Variants in ZNF175 observed in about 807,000 individuals in gnomAD.
ZNF175 encodes the protein zinc finger protein OTK18.
In ZNF175, 8 loss-of-function variants were observed where a neutral mutation model predicts 14.0. The observed-to-expected ratio is 0.57, with a 90% CI of 0.34 to 1.03. The LOEUF is 1.03. Ranked by LOEUF, ZNF175 falls within the 50% of genes least tolerant of loss-of-function variation. ZNF175 has a pLI of 0.03. For synonymous variants in ZNF175, 255 were observed against 296.8 expected, an observed-to-expected ratio of 0.86 and a Z score of 1.45; for missense variants, 764 against 849.5, an observed-to-expected ratio of 0.90 and a Z score of 1.25.
At position 51,591,055 on chromosome 19, in the gene ZNF175, C is replaced by T. The variant is rs1449065553; in HGVS notation, c.*2588C>T. ...CTCATCTCCAGCCACATGTTCACTC[C>T]TCACGTGGGCCTCCCTAACTGTCCC... On this transcript the variant is annotated 3_prime_UTR_variant, in exon 5 of 5. Coordinates refer to ENST00000262259, the MANE Select transcript of ZNF175 (RefSeq NM_007147.4). The T allele has an allele frequency of 6.6e-6, 1 of 152,654 alleles. No homozygotes were observed. 9.5% of individuals were successfully genotyped at this position (152,654 alleles called of 1,614,324 possible).
At position 51,589,786 on chromosome 19, in the gene ZNF175, G is replaced by A. The variant is rs1372370762; in HGVS notation, c.*1319G>A. The A allele has an allele frequency of 1.8e-6, 1 of 565,100 alleles. No individual in the cohort carries two copies. The highest frequency in any genetic ancestry group is 1.9e-5 in the African/African-American group (1 of 53,544). The allele number at this position is 565,100 out of a possible 1,614,324, so 35.0% of individuals were successfully genotyped here. On this transcript the variant is annotated 3_prime_UTR_variant, in exon 5 of 5. Transcript: ENST00000262259. ...TGTGCTGCACTGGCAGAATTGAGTA[G>A]TTTTGGCGGAGATCAAATAGCCCCC...
rs773221651 is a variant in ZNF175, at chr19:51,587,893, A to G, written c.1562A>G (p.His521Arg). ...TFTQKSHLNI[H>R]QKIHTGERHH... is the part of the protein sequence containing the mutation. ...ACCCAAAAGTCACACCTGAATATAC[A>G]CCAGAAAATTCATACTGGAGAAAGA... Residue 521 changes from histidine (H) to arginine (R), a missense_variant, in exon 5 of 5, where the codon CAC (histidine) becomes CGC (arginine). Coordinates refer to ENST00000262259, the MANE Select transcript of ZNF175 (RefSeq NM_007147.4). 5.6e-6 allele frequency: 9 copies of G among 1,614,052 alleles called. No individual in the cohort carries two copies. In the Admixed American group the frequency reaches 1.5e-4, roughly 27 times the overall value.
chr19:51,579,177 C>A (rs534074590), intron 2 of ZNF175, among the ~76,000 whole-genome samples: 1 of 150,224 alleles, frequency 6.7e-6, no homozygotes. Context: ...CGCTTGAACC[C>A]AGGAGTCAGA....
chr19:51,586,772 A>C lies in ZNF175; in HGVS notation c.441A>C (p.Lys147Asn). 1 of 1,614,242 alleles carries C rather than the reference A, an allele frequency of 6.2e-7. No individual in the cohort carries two copies. The highest frequency in any genetic ancestry group is 8.5e-7 in the Non-Finnish European group (1 of 1,180,036). The change falls in exon 5 of 5, where the codon AAA (lysine) becomes AAC (asparagine). Residue 147 changes from lysine (K) to asparagine (N), a missense_variant. Transcript: ENST00000262259. Reference protein sequence around the residue: ...ELRLDADRTKKDEQNQIQPMS... With the variant: ...ELRLDADRTKNDEQNQIQPMS... ...GGCTGGATGCTGACCGCACAAAGAA[A>C]GATGAGCAAAATCAAATTCAACCCA...
chr19:51,587,508 T>G lies in ZNF175; in HGVS notation c.1177T>G (p.Cys393Gly), dbSNP rs1297896216. 4.3e-6 allele frequency: 7 copies of G among 1,614,082 alleles called. No individual in the cohort carries two copies. The highest frequency in any genetic ancestry group is 1.3e-5 in the African/African-American group (1 of 74,926). ...TCACAGTAGAGAAAAACTCTATGAA[T>G]GCAGTGAATGTGGCAAAGGCTTCTC... ...RTHSREKLYE[C>G]SECGKGFSQN... The change falls in exon 5 of 5, where the codon TGC becomes GGC. Residue 393 changes from cysteine (C) to glycine (G), a missense_variant. By Grantham distance (159) the Cys-to-Gly change is radical. Transcript: ENST00000262259.
At chr19:51,582,975 C>G (rs1328060630) in intron 4 of ZNF175, among the ~76,000 whole-genome samples, 2 of 152,180 alleles carry the variant, frequency 1.3e-5, no homozygotes, top group African/African-American at 4.8e-5. Context: ...CCTGCCTCAG[C>G]CTCCCAAGTA....
intron 1 of ZNF175, among the ~76,000 whole-genome samples, chr19:51,571,834 G>T (rs942977972): frequency 6.6e-6 from 1 of 152,180 alleles, no homozygotes; most frequent in African/African-American, 2.4e-5. Context: ...GGACTTTGAG[G>T]ATCACACTGT....
intron 4 of ZNF175, among the ~76,000 whole-genome samples, chr19:51,582,950 G>A (rs968468742): frequency 1.3e-5 from 2 of 151,928 alleles, no homozygotes; most frequent in Admixed American, 6.6e-5. Context: ...CCGCCTCCCA[G>A]GTTTGAGTGA....
Position 51,573,225 on chromosome 19 carries a change from C to T in ZNF175, c.-105C>T, listed in dbSNP as rs570082602. 20 of 1,088,752 alleles carry T rather than the reference C, an allele frequency of 1.8e-5. No homozygotes were observed. The highest frequency in any genetic ancestry group is 9.4e-5 in the African/African-American group (6 of 63,828). 67.4% of individuals were successfully genotyped at this position (1,088,752 alleles called of 1,614,324 possible). On this transcript the variant is annotated 5_prime_UTR_variant, in exon 2 of 5. Transcript: ENST00000262259. ...CTCTTCATAGCCCAGTACGACTCTC[C>T]GCCGTGTCCCTGGTTGGAAAATCCA...
At chr19:51,575,219 T>G (rs1185411936) in intron 2 of ZNF175, among the ~76,000 whole-genome samples, 3 of 136,118 alleles carry the variant, frequency 2.2e-5, no homozygotes, top group Non-Finnish European at 4.7e-5. Flanking sequence ...GTTTTTTTTT[T>G]TTTTTTTTTT....
intron 2 of ZNF175, among the ~76,000 whole-genome samples, chr19:51,580,466 G>A (rs1981960011): frequency 6.6e-6 from 1 of 151,998 alleles, no homozygotes; most frequent in Non-Finnish European, 1.5e-5. Flanking sequence ...TGTCCTTCAG[G>A]CTGCATTTAT....
At chr19:51,581,174 A>G (rs201229966) in intron 2 of ZNF175, among the ~76,000 whole-genome samples, 3 of 145,744 alleles carry the variant, frequency 2.1e-5, no homozygotes, top group Non-Finnish European at 4.5e-5. Flanking sequence ...CTCATTTTTG[A>G]AAAAAAAAAA....
chr19:51,588,060 C>T lies in ZNF175; in HGVS notation c.1729C>T (p.His577Tyr). The change falls in exon 5 of 5, where the codon CAT (histidine) becomes TAT (tyrosine). Residue 577 changes from histidine (H) to tyrosine (Y), a missense_variant. By Grantham distance (83) the His-to-Tyr change is moderately conservative. Transcript: ENST00000262259. ...AFTSKSQFKE[H>Y]QRIHTGEKPY... ...CACTTCTAAGTCTCAATTCAAAGAGCATCAGCGAATTCACACGGGTGAGAA... is the reference window on the plus strand; with the variant it reads ...CACTTCTAAGTCTCAATTCAAAGAGTATCAGCGAATTCACACGGGTGAGAA... 6.2e-7 allele frequency: 1 copy of T among 1,614,166 alleles called. No individual in the cohort carries two copies. Among genetic ancestry groups the T allele is most frequent in the Non-Finnish European group, 8.5e-7 (1 of 1,179,990 alleles).
rs1381374019 is a variant in ZNF175, at chr19:51,588,392, T to C, written c.2061T>C (p.Asn687=). ...GKAFNNRSNF[N]KHQTTHTRDK... ...CCTTCAACAACAGGTCAAACTTCAA[T>C]AAACACCAAACAACTCATACCAGAG... is the stretch of plus-strand genomic sequence containing the variant. Residue 687 remains asparagine (N), a synonymous_variant, in exon 5 of 5, where the codon AAT becomes AAC. Transcript: ENST00000262259. 1.2e-6 allele frequency: 2 copies of C among 1,611,374 alleles called. No individual in the cohort carries two copies. The highest frequency in any genetic ancestry group is 2.2e-5 in the South Asian group (2 of 90,304).
rs1030793625 is a variant in ZNF175 at position 51,589,584 on chromosome 19, A to G, written c.*1117A>G. On this transcript the variant is annotated 3_prime_UTR_variant, in exon 5 of 5. Coordinates refer to ENST00000262259, the MANE Select transcript of ZNF175 (RefSeq NM_007147.4). ...CTTGCCCCCCCTTTCCATCTCCACCATCTATAGTGAGCCTCTCCATAATTA... is the reference window on the plus strand; with the variant it reads ...CTTGCCCCCCCTTTCCATCTCCACCGTCTATAGTGAGCCTCTCCATAATTA... The G allele has an allele frequency of 1.0e-5, 7 of 701,994 alleles. No individual in the cohort carries two copies. Among genetic ancestry groups the G allele is most frequent in the Non-Finnish European group, 1.8e-5 (7 of 384,798 alleles). The allele number at this position is 701,994 out of a possible 1,614,324, so 43.5% of individuals were successfully genotyped here.
intron 2 of ZNF175, chr19:51,574,275 A>G (rs1981696508): frequency 6.7e-6 from 1 of 148,572 alleles, no homozygotes; most frequent in African/African-American, 2.4e-5. Context: ...GAAACATTTG[A>G]TAATAGAAAG....
intron 2 of ZNF175, chr19:51,574,139 A>G (rs1981691516): frequency 6.6e-6 from 1 of 152,172 alleles, no homozygotes; most frequent in Non-Finnish European, 1.5e-5. Context: ...ATGGGTTTAT[A>G]ACCAAATTTA....
chr19:51,586,030 G>A (rs1280098780), intron 4 of ZNF175, among the ~76,000 whole-genome samples: 2 of 152,172 alleles, frequency 1.3e-5, no homozygotes, highest in African/African-American at 2.4e-5. Flanking sequence ...GATAGGTGAA[G>A]CTTTAATAGT....
intron 4 of ZNF175, 127 bp from the exon 5 acceptor site, chr19:51,586,500 G>T: frequency 1.1e-6 from 1 of 904,068 alleles, no homozygotes; most frequent in Non-Finnish European, 1.7e-6. Flanking sequence ...TCTGCTCATT[G>T]TCAGCATCAT....
Sources: gnomAD v4.1 joint callset for allele counts (sites outside exome capture counted in the v4.1 genomes callset) on GRCh38, gnomAD v4.1.1 for gene constraint, MANE v1.5 for transcripts, NCBI Gene and HGNC (gene_info 2026-07-23, HGNC 2026-07-21) for gene names.